Variants in IGSF10 observed in about 807,000 individuals in gnomAD.
IGSF10 encodes the protein calvaria mechanical force protein 608.
IGSF10 carries 126 observed loss-of-function variants against 128.2 expected under a neutral mutation model. The ratio of observed to expected loss-of-function variants is 0.98; its 90% CI spans 0.85 to 1.14. The LOEUF (loss-of-function observed/expected upper bound fraction) is 1.14, where lower values mean the gene tolerates loss of function less well. IGSF10 is among the 50% of genes most tolerant of loss of function. The pLI is 0.00. For synonymous variants in IGSF10, 1,185 were observed against 1,146.2 expected (o/e 1.03, Z -0.68); for missense variants, 3,295 against 3,149.8 (o/e 1.05, Z -1.10).
At chr3:151,527,977 T>G in the IGSF10 span, among the ~76,000 whole-genome samples, 1 of 152,260 alleles carries the variant, frequency 6.6e-6, no homozygotes, top group African/African-American at 2.4e-5. Flanking sequence ...AAACCTGGGT[T>G]CAGATTTTAA....
At chr3:151,442,822 G>T (rs1333796258) in intron 7 of IGSF10, among the ~76,000 whole-genome samples, 162 bp downstream of exon 7, 1 of 152,152 alleles carries the variant, frequency 6.6e-6, no homozygotes, top group East Asian at 1.9e-4. Context: ...GTATTCAAAT[G>T]ATCTCAAAAG....
chr3:151,433,065 G>A (rs535708764), downstream of IGSF10: 7 of 372,380 alleles, frequency 1.9e-5, no homozygotes, highest in Non-Finnish European at 3.4e-5. Context: ...CCGGAAGAGT[G>A]TGCTAGCAGA....
In IGSF10 at chr3:151,443,857, T is replaced by C. The variant is rs770674985; in HGVS notation, c.5090A>G (p.Asn1697Ser). Residue 1697 changes from asparagine (N) to serine (S), a missense_variant, in exon 7 of 8, where the codon AAT becomes AGT. By Grantham distance (46) the Asn-to-Ser change is conservative. Coordinates refer to ENST00000282466, the MANE Select transcript of IGSF10 (RefSeq NM_178822.5). Reference sequence around the variant, plus strand: ...ATTGGGGAGAACCTGGACCCTGCTATTCTGTTTCCTCTTAGATAAATCAAG... The same window carrying C: ...ATTGGGGAGAACCTGGACCCTGCTACTCTGTTTCCTCTTAGATAAATCAAG... ...SGLDLSKRKQ[N>S]SRVQVLPNGT... 1 of 1,608,492 alleles carries C rather than the reference T, an allele frequency of 6.2e-7. No homozygotes were observed. Among genetic ancestry groups the C allele is most frequent in the South Asian group, 1.1e-5 (1 of 90,768 alleles).
chr3:151,511,999 C>T, the IGSF10 span, among the ~76,000 whole-genome samples: 1 of 152,076 alleles, frequency 6.6e-6, no homozygotes, highest in African/African-American at 2.4e-5. Flanking sequence ...ACTTAGACTC[C>T]CACACCATAA....
the IGSF10 span, among the ~76,000 whole-genome samples, chr3:151,594,474 C>T: frequency 6.6e-6 from 1 of 151,710 alleles, no homozygotes; most frequent in Non-Finnish European, 1.5e-5. Flanking sequence ...GCTGGGACTA[C>T]AGGCACCCGC....
chr3:151,531,202 AC>A, the IGSF10 span, among the ~76,000 whole-genome samples: 2 of 152,186 alleles, frequency 1.3e-5, no homozygotes, highest in African/African-American at 2.4e-5. Context: ...GTTCTGAGAG[AC>A]CTAAAAAGAG....
chr3:151,510,261 C>A, the IGSF10 span, among the ~76,000 whole-genome samples: 1 of 152,186 alleles, frequency 6.6e-6, no homozygotes, highest in African/African-American at 2.4e-5. Flanking sequence ...CGGCCGGGTA[C>A]TCCTCTGAGA....
the IGSF10 span, among the ~76,000 whole-genome samples, chr3:151,546,479 C>G: frequency 6.6e-6 from 1 of 151,838 alleles, no homozygotes; most frequent in African/African-American, 2.4e-5. Context: ...TCCTGGGTAG[C>G]TGGGAGTACA....
At position 151,446,685 on chromosome 3, in the gene IGSF10, G is replaced by A. The variant is rs560889574; in HGVS notation, c.3296C>T (p.Ser1099Leu). Residue 1099 changes from serine (S) to leucine (L), a missense_variant, in exon 6 of 8, where the codon TCA (serine) becomes TTA (leucine). By Grantham distance (145) the Ser-to-Leu change is moderately radical. Transcript: ENST00000282466. ...CTGGACTAGAGTTGTAGACTCTTCT[G>A]ATGGGACTCTAGCAATGTCAGCTTT... The part of the protein sequence containing the change: ...FPKADIARVP[S>L]EESTTLVQNP... 1 of 1,613,952 alleles carries A rather than the reference G, an allele frequency of 6.2e-7. No individual in the cohort carries two copies. The highest frequency in any genetic ancestry group is 1.1e-5 in the South Asian group (1 of 91,082).
At chr3:151,552,345 C>T in the IGSF10 span, among the ~76,000 whole-genome samples, 5 of 152,006 alleles carry the variant, frequency 3.3e-5, no homozygotes, top group Admixed American at 6.6e-5. Context: ...ACTAATACAC[C>T]GCATGACAGC....
At chr3:151,599,181 A>G in the IGSF10 span, among the ~76,000 whole-genome samples, 5 of 151,934 alleles carry the variant, frequency 3.3e-5, no homozygotes, top group African/African-American at 9.7e-5. Flanking sequence ...AGCAGCAGCT[A>G]TAAGGGGGTA....
chr3:151,491,552 T>A, the IGSF10 span, among the ~76,000 whole-genome samples: 23 of 152,140 alleles, frequency 1.5e-4, no homozygotes, highest in Non-Finnish European at 3.1e-4. Flanking sequence ...CACTCCAACC[T>A]GGGTGACGGA....
Position 151,437,856 on chromosome 3 carries a change from T to G in IGSF10, c.6705A>C (p.Pro2235=). 1 of 1,614,124 alleles carries G rather than the reference T, an allele frequency of 6.2e-7. No homozygotes were observed. Among genetic ancestry groups the G allele is most frequent in the Non-Finnish European group, 8.5e-7 (1 of 1,180,002 alleles). ...MYKLDVVSKP[P]LINGLYTNRT... is the part of the protein sequence containing the mutation. ...TGTTTGTATACAGACCATTGATTAA[T>G]GGAGGTTTAGAGACCACATCCAGTT... Residue 2235 remains proline, a synonymous_variant, in exon 8 of 8, where the codon CCA becomes CCC. Transcript: ENST00000282466.
rs1721389746 is a variant in IGSF10, at chr3:151,449,188, T to C, written c.793A>G (p.Lys265Glu). ...GAGACCATAGCTAACGGCTTGCCTT[T>C]AGAAGTCCTAGGGTTCATGCAAAGT... ...CPLCMNPRTS[K>E]GKPLAMVSAA... Residue 265 changes from lysine to glutamate, a missense_variant, in exon 6 of 8, where the codon AAA becomes GAA. By Grantham distance (56) the Lys-to-Glu change is moderately conservative. Transcript: ENST00000282466. 6.2e-7 allele frequency: 1 copy of C among 1,614,050 alleles called. No homozygotes were observed. Among genetic ancestry groups the C allele is most frequent in the Non-Finnish European group, 8.5e-7 (1 of 1,180,044 alleles).
chr3:151,605,294 T>C, the IGSF10 span, among the ~76,000 whole-genome samples: 1 of 152,182 alleles, frequency 6.6e-6, no homozygotes, highest in African/African-American at 2.4e-5. Context: ...AATTTGCAAA[T>C]ATAGAATCTG....
the IGSF10 span, among the ~76,000 whole-genome samples, chr3:151,604,893 A>G: frequency 6.6e-6 from 1 of 152,182 alleles, no homozygotes; most frequent in African/African-American, 2.4e-5. Context: ...TTGTCATACA[A>G]TCAATACATA....
chr3:151,584,234 T>C, the IGSF10 span, among the ~76,000 whole-genome samples: 7 of 152,224 alleles, frequency 4.6e-5, no homozygotes, highest in African/African-American at 1.7e-4. Context: ...TCTTGCCTTA[T>C]AGTAGATCTT....
the IGSF10 span, among the ~76,000 whole-genome samples, chr3:151,600,200 C>G: frequency 6.6e-6 from 1 of 152,020 alleles, no homozygotes; most frequent in Non-Finnish European, 1.5e-5. Flanking sequence ...AGCTAAAACA[C>G]AATTTCTTAC....
chr3:151,532,229 C>A, the IGSF10 span, among the ~76,000 whole-genome samples: 2 of 141,560 alleles, frequency 1.4e-5, no homozygotes, highest in African/African-American at 5.0e-5. Flanking sequence ...CAGACGGATT[C>A]ACAGCCGAAT....
Sources: gnomAD v4.1 joint callset for allele counts (sites outside exome capture counted in the v4.1 genomes callset) on GRCh38, gnomAD v4.1.1 for gene constraint, MANE v1.5 for transcripts, NCBI Gene and HGNC (gene_info 2026-07-23, HGNC 2026-07-21) for gene names.